Variants in INTS3 observed in about 807,000 individuals in gnomAD.
INTS3 encodes the protein integrator complex subunit 3, also known as SOSS complex subunit A.
INTS3 carries 34 observed loss-of-function variants against 146.3 expected under a neutral mutation model. The ratio of observed to expected loss-of-function variants is 0.23; its 90% CI spans 0.18 to 0.31. INTS3 has a LOEUF of 0.31. Among genes scored for constraint, INTS3 ranks in the 10% least tolerant of loss-of-function variants. The probability of loss-of-function intolerance (pLI) is 1.00; values close to 1 mark genes in which losing one functional copy is unlikely to be tolerated. For synonymous variants in INTS3, 475 were observed against 494.9 expected, an observed-to-expected ratio of 0.96 and a Z score of 0.53; for missense variants, 757 against 1,304.2, an observed-to-expected ratio of 0.58 and a Z score of 6.46.
At chr1:153,760,232 CAAAA>C (rs58951043) in intron 11 of INTS3, 75 bp from the exon 12 acceptor site, 4,485 of 390,778 alleles carry the variant, frequency 0.011, no homozygotes, top group East Asian at 0.017. Context: ...GACTCTGTTT[CAAAA>C]AAAAAAAAAA....
chr1:153,763,429 G>C, intron 16 of INTS3, 67 bp downstream of exon 16: 1 of 1,558,054 alleles, frequency 6.4e-7, no homozygotes, highest in Non-Finnish European at 8.8e-7. Context: ...GTGCTTAATG[G>C]GTATAGCAGG....
At position 153,774,297 on chromosome 1, in the gene INTS3, C is replaced by T. The variant is rs1478751607; in HGVS notation, c.*1027C>T. 1.3e-5 allele frequency: 2 copies of T among 152,248 alleles called. No individual in the cohort carries two copies. Among genetic ancestry groups the T allele is most frequent in the African/African-American group, 4.8e-5 (2 of 41,440 alleles). The allele number at this position is 152,248 out of a possible 1,614,324, so 9.4% of individuals were successfully genotyped here. A position where few individuals can be genotyped will look rare whatever the true frequency, so the allele number is the denominator to read the frequency against. Reference sequence around the variant, plus strand: ...AGGCACTGATCTGTCTATGCAGAACCATCCCCCGTAGGATGAGGCCTGTCC... The same window carrying T: ...AGGCACTGATCTGTCTATGCAGAACTATCCCCCGTAGGATGAGGCCTGTCC... On this transcript the variant is annotated 3_prime_UTR_variant, in exon 30 of 30. Transcript: ENST00000318967.
At chr1:153,746,471 G>A (rs955729191) in intron 3 of INTS3, among the ~76,000 whole-genome samples, 8 of 151,540 alleles carry the variant, frequency 5.3e-5, no homozygotes, top group South Asian at 2.1e-4. Flanking sequence ...CGCGATCTCC[G>A]CTCACTGCAA....
chr1:153,760,879 T>C lies in INTS3; in HGVS notation c.1370T>C (p.Phe457Ser), dbSNP rs773384908. The C allele has an allele frequency of 1.2e-6, 2 of 1,614,204 alleles. No individual in the cohort carries two copies. Among genetic ancestry groups the C allele is most frequent in the Non-Finnish European group, 1.7e-6 (2 of 1,180,014 alleles). ...GAGGGCCACGTGCGGCAGGGTGTCT[T>C]TTCCTCCCTCAACCACATTGTGGAG... is the stretch of plus-strand genomic sequence containing the variant. ...PLEGHVRQGV[F>S]SSLNHIVEKR... The change falls in exon 13 of 30, where the codon TTT (phenylalanine) becomes TCT (serine). Residue 457 changes from phenylalanine to serine, a missense_variant. Physicochemically the swap from Phe to Ser is radical, Grantham distance 155. Around this residue, in one of 8 missense-constraint regions of INTS3, gnomAD observed 97 missense variants for 113.6 expected, o/e 0.85. Transcript: ENST00000318967.
chr1:153,763,077 T>C (rs1054384806), intron 15 of INTS3, among the ~76,000 whole-genome samples, 156 bp from the exon 16 acceptor site: 8 of 152,194 alleles, frequency 5.3e-5, no homozygotes, highest in African/African-American at 1.9e-4. Flanking sequence ...AGCTAGTACA[T>C]GTGCACAGTC....
At chr1:153,748,585 A>C in intron 5 of INTS3, 104 bp from the exon 6 acceptor site, 2 of 888,638 alleles carry the variant, frequency 2.3e-6, no homozygotes, top group Non-Finnish European at 3.8e-6. Flanking sequence ...GGATGGCAGT[A>C]ATGGGATGGC....
intron 20 of INTS3, chr1:153,766,437 A>AC (rs1672587095): frequency 6.6e-6 from 1 of 152,052 alleles, no homozygotes; most frequent in African/African-American, 2.4e-5. Context: ...AGCTGGGACT[A>AC]CAGGTGCACG....
At chr1:153,748,422 C>A in intron 5 of INTS3, 1 of 487,740 alleles carries the variant, frequency 2.1e-6, no homozygotes, top group Non-Finnish European at 3.8e-6. Flanking sequence ...TTTTCAAGGG[C>A]CAAAATGTTC....
intron 12 of INTS3, 53 bp downstream of exon 12, chr1:153,760,443 G>T: frequency 2.1e-6 from 3 of 1,441,330 alleles, no homozygotes; most frequent in Non-Finnish European, 2.9e-6. Flanking sequence ...AGAATTCAGT[G>T]TATCTCCCCT....
chr1:153,768,797 A>T, intron 21 of INTS3, 96 bp from the exon 22 acceptor site: 2 of 940,280 alleles, frequency 2.1e-6, no homozygotes, highest in Non-Finnish European at 3.5e-6. Context: ...TGGCTGACCC[A>T]GTCAAACCTT....
At chr1:153,736,288 G>A (rs1376441956) in intron 1 of INTS3, among the ~76,000 whole-genome samples, 1 of 152,122 alleles carries the variant, frequency 6.6e-6, no homozygotes, top group Non-Finnish European at 1.5e-5. Context: ...GTAATAAGTG[G>A]CTTGGGGCTT....
In INTS3 at chr1:153,772,760, T is replaced by G; in HGVS notation, c.2894+49T>G. On this transcript the variant is annotated intron_variant, in intron 28 of 29. Transcript: ENST00000318967. The surrounding 1 kb of genome is among the most constrained non-coding windows in gnomAD (Gnocchi z 4.6). ...CTTGGAAAGTAGTAGGGGAAAAGCC[T>G]AAGGGAGAGGAAGCCTGCTAGGGAC... 6.2e-7 allele frequency: 1 copy of G among 1,602,052 alleles called. No homozygotes were observed.
intron 20 of INTS3, chr1:153,766,599 AT>A (rs1672596202): frequency 6.6e-6 from 1 of 151,582 alleles, no homozygotes; most frequent in South Asian, 2.1e-4. Context: ...GGGCCCAGCC[AT>A]TTGTATATTT....
intron 15 of INTS3, 77 bp downstream of exon 15, chr1:153,762,924 A>T (rs1672439667): frequency 6.4e-7 from 1 of 1,555,860 alleles, no homozygotes; most frequent in Non-Finnish European, 8.8e-7. Flanking sequence ...GCCTCTCTGC[A>T]CTCTTCCTGT....
intron 20 of INTS3, chr1:153,766,796 T>C (rs1404085551): frequency 6.6e-6 from 1 of 151,732 alleles, no homozygotes; most frequent in Admixed American, 6.6e-5. Flanking sequence ...TTCCAGCAAT[T>C]CTCCTGCCTC....
intron 3 of INTS3, among the ~76,000 whole-genome samples, chr1:153,745,935 T>C (rs1671718655): frequency 6.6e-6 from 1 of 152,184 alleles, no homozygotes. Context: ...ACCTTGTCTC[T>C]AGAAAAAACT....
chr1:153,758,508 G>A (rs1423955918), intron 10 of INTS3, among the ~76,000 whole-genome samples: 2 of 152,202 alleles, frequency 1.3e-5, no homozygotes, highest in African/African-American at 2.4e-5. Flanking sequence ...ACTGCTGGAT[G>A]TATCAAGAAC....
chr1:153,764,063 G>A, intron 17 of INTS3, 55 bp from the exon 18 acceptor site: 2 of 1,443,634 alleles, frequency 1.4e-6, no homozygotes, highest in Non-Finnish European at 9.8e-7. Flanking sequence ...GGATCGTGGG[G>A]GCAGGAGGGC....
chr1:153,731,810 C>A (rs1317127716), intron 1 of INTS3, among the ~76,000 whole-genome samples: 1 of 151,002 alleles, frequency 6.6e-6, no homozygotes, highest in African/African-American at 2.4e-5. Context: ...TGGTCTCTAT[C>A]TCCTGACCTC....
Sources: allele counts gnomAD v4.1 joint callset (sites outside exome capture counted in the v4.1 genomes callset), GRCh38; gene constraint gnomAD v4.1.1; regional missense constraint gnomAD v4.1.1; non-coding constraint Gnocchi (gnomAD v3.1); transcripts MANE v1.5; gene names NCBI Gene and HGNC (gene_info 2026-07-23, HGNC 2026-07-21).